Variants in ITGB6 observed in about 807,000 individuals in gnomAD.
ITGB6 encodes integrin subunit beta 6.
In ITGB6, 80 loss-of-function variants were observed where a neutral mutation model predicts 84.5. The ratio of observed to expected loss-of-function variants is 0.95; its 90% CI spans 0.79 to 1.14. The LOEUF (loss-of-function observed/expected upper bound fraction) is 1.14, where lower values mean the gene tolerates loss of function less well. Ranked by LOEUF, ITGB6 falls within the 50% of genes most tolerant of loss-of-function variation. The pLI is 0.00. For synonymous variants in ITGB6, 383 were observed against 354.9 expected (o/e 1.08, Z -0.89); for missense variants, 1,006 against 968.0 (o/e 1.04, Z -0.52).
At chr2:160,125,578 A>G (rs971510425) in intron 11 of ITGB6, among the ~76,000 whole-genome samples, 4 of 152,324 alleles carry the variant, frequency 2.6e-5, no homozygotes, top group African/African-American at 7.2e-5. Flanking sequence ...GTAACCACTG[A>G]GTGAAAAATT....
intron 6 of ITGB6, among the ~76,000 whole-genome samples, chr2:160,172,095 A>G (rs1353571983): frequency 2.0e-5 from 3 of 152,238 alleles, no homozygotes; most frequent in Non-Finnish European, 2.9e-5. Flanking sequence ...TGTCACTAGC[A>G]TTTTATAAAT....
At chr2:160,190,070 T>C (rs1317265789) in intron 4 of ITGB6, among the ~76,000 whole-genome samples, 1 of 152,084 alleles carries the variant, frequency 6.6e-6, no homozygotes, top group Non-Finnish European at 1.5e-5. Context: ...TGAATGAAGC[T>C]GGAAACCATC....
intron 12 of ITGB6, among the ~76,000 whole-genome samples, chr2:160,123,395 C>T (rs532717447): frequency 6.6e-6 from 1 of 152,218 alleles, no homozygotes; most frequent in East Asian, 1.9e-4. Flanking sequence ...TTACAGTTGG[C>T]TTTATCTTAT....
intron 14 of ITGB6, among the ~76,000 whole-genome samples, chr2:160,106,295 A>G (rs1696904684): frequency 6.6e-6 from 1 of 152,116 alleles, no homozygotes; most frequent in African/African-American, 2.4e-5. Context: ...CTGGAATGCA[A>G]TGGCATGATC....
Position 160,149,649 on chromosome 2 carries a change from A to AGACT in ITGB6, c.1018-7582_1018-7579dup, listed in dbSNP as rs538789843. On this transcript the variant is annotated intron_variant, in intron 7 of 14. Coordinates refer to ENST00000283249, the MANE Select transcript of ITGB6 (RefSeq NM_000888.5). ...TAGGCTTCAGAAGGTCGGTAATAGC[A>AGACT]GACTTCTCCAAGTTAAATGAGGATG... Among the ~76,000 whole-genome samples the AGACT allele has an allele frequency of 7.2e-5, 11 of 152,318 alleles. No individual in the cohort carries two copies. In the East Asian group the frequency reaches 2.1e-3, roughly 29 times the overall value.
chr2:160,109,941 A>T lies in ITGB6; in HGVS notation c.2102-2096T>A, dbSNP rs1289474290. Reference sequence around the variant, plus strand: ...GTAAAATATCTCAGCTTTTATACTGATTACACGTTGAAATGACAATATTTT... The same window carrying T: ...GTAAAATATCTCAGCTTTTATACTGTTTACACGTTGAAATGACAATATTTT... On this transcript the variant is annotated intron_variant, in intron 13 of 14. Transcript: ENST00000283249. 2.6e-5 allele frequency among the ~76,000 whole-genome samples: 4 copies of T among 152,248 alleles called. No individual in the cohort carries two copies. The East Asian group carries it at 5.8e-4, about 22-fold the overall frequency.
At chr2:160,162,728 C>T (rs1684866163) in intron 7 of ITGB6, among the ~76,000 whole-genome samples, 2 of 152,156 alleles carry the variant, frequency 1.3e-5, no homozygotes, top group Non-Finnish European at 1.5e-5. Flanking sequence ...AAGCGATTCT[C>T]CTGCCTCAGC....
intron 14 of ITGB6, among the ~76,000 whole-genome samples, chr2:160,103,902 A>G (rs1157028713): frequency 6.6e-6 from 1 of 152,204 alleles, no homozygotes; most frequent in Non-Finnish European, 1.5e-5. Flanking sequence ...TGCACCCTAT[A>G]TCATGTCAAA....
chr2:160,136,103 C>G (rs1332038620), intron 10 of ITGB6, among the ~76,000 whole-genome samples: 1 of 152,152 alleles, frequency 6.6e-6, no homozygotes, highest in Non-Finnish European at 1.5e-5. Context: ...AAACTACCAT[C>G]AGAGTGAACA....
In ITGB6 at chr2:160,121,487, A is replaced by G. The variant is rs566616103; in HGVS notation, c.1981+2304T>C. ...TGAGTACATGTATGTTAAGGTAAAT[A>G]AAAATATGACTCTCAAGCTGGGCAC... On this transcript the variant is annotated intron_variant, in intron 12 of 14. Coordinates refer to ENST00000283249, the MANE Select transcript of ITGB6 (RefSeq NM_000888.5). Among the ~76,000 whole-genome samples, 4 of 152,336 alleles carry G rather than the reference A, an allele frequency of 2.6e-5. No individual in the cohort carries two copies. In the South Asian group the frequency reaches 8.3e-4, roughly 32 times the overall value.
At chr2:160,158,040 G>A (rs1027597576) in intron 7 of ITGB6, among the ~76,000 whole-genome samples, 3 of 152,150 alleles carry the variant, frequency 2.0e-5, no homozygotes, top group African/African-American at 7.2e-5. Flanking sequence ...GTGTTACTAG[G>A]ACACCCAAGA....
chr2:160,111,738 C>T (rs1213433684), intron 13 of ITGB6, among the ~76,000 whole-genome samples: 1 of 151,800 alleles, frequency 6.6e-6, no homozygotes, highest in Admixed American at 6.6e-5. Context: ...GGCCACCATA[C>T]CCGGCTAATT....
chr2:160,171,916 A>G (rs1685220627), intron 6 of ITGB6, among the ~76,000 whole-genome samples: 2 of 152,192 alleles, frequency 1.3e-5, no homozygotes, highest in Admixed American at 6.5e-5. Flanking sequence ...CAGGCTAGGA[A>G]GGAAGGATAT....
intron 7 of ITGB6, among the ~76,000 whole-genome samples, chr2:160,165,100 T>C (rs1684956212): frequency 6.6e-6 from 1 of 152,202 alleles, no homozygotes; most frequent in South Asian, 2.1e-4. Flanking sequence ...CATGGAGATG[T>C]CTCATAATCC....
At chr2:160,198,630 T>A (rs893236319) in intron 2 of ITGB6, among the ~76,000 whole-genome samples, 1 of 152,200 alleles carries the variant, frequency 6.6e-6, no homozygotes, top group Non-Finnish European at 1.5e-5. Context: ...GAGTTCCTAT[T>A]TGGCACTTTG....
intron 7 of ITGB6, among the ~76,000 whole-genome samples, chr2:160,154,940 G>A (rs979644184): frequency 1.3e-5 from 2 of 152,184 alleles, no homozygotes; most frequent in African/African-American, 4.8e-5. Flanking sequence ...GGAGGTGAAT[G>A]GATCATGGGG....
chr2:160,191,268 C>T, intron 4 of ITGB6, among the ~76,000 whole-genome samples: 1 of 152,250 alleles, frequency 6.6e-6, no homozygotes, highest in East Asian at 1.9e-4. Flanking sequence ...GTCACAGGAA[C>T]TACTCGCAGA....
intron 4 of ITGB6, among the ~76,000 whole-genome samples, chr2:160,185,830 C>T (rs375227815): frequency 1.3e-5 from 2 of 152,122 alleles, no homozygotes; most frequent in Non-Finnish European, 2.9e-5. Context: ...CATCTACAAC[C>T]ATCTGATCTT....
chr2:160,173,154 C>T (rs1685282997), intron 5 of ITGB6, among the ~76,000 whole-genome samples: 1 of 152,126 alleles, frequency 6.6e-6, no homozygotes, highest in African/African-American at 2.4e-5. Flanking sequence ...ATTAAAATGT[C>T]ACCCAACATT....
Sources: allele counts gnomAD v4.1 joint callset (sites outside exome capture counted in the v4.1 genomes callset), GRCh38; gene constraint gnomAD v4.1.1; transcripts MANE v1.5; gene names NCBI Gene and HGNC (gene_info 2026-07-23, HGNC 2026-07-21).